The following NLRP2 variants were observed in gnomAD, a reference collection of about 807,000 sequenced individuals.
NLRP2 encodes NLR family pyrin domain containing 2.
In NLRP2, 107 loss-of-function variants were observed where a neutral mutation model predicts 97.2. The ratio of observed to expected loss-of-function variants is 1.10; its 90% CI spans 0.94 to 1.29. The LOEUF (loss-of-function observed/expected upper bound fraction) is 1.29. NLRP2 is among the 50% of genes most tolerant of loss of function. The pLI, the probability that NLRP2 is intolerant of heterozygous loss-of-function variation, is 0.00. For missense variants in NLRP2, 1,495 were observed against 1,330.3 expected (o/e 1.12, Z -1.93); for synonymous variants, 663 against 551.5 (o/e 1.20, Z -2.83).
intron 4 of NLRP2, among the ~76,000 whole-genome samples, chr19:54,978,161 C>CGATTCTCCT (rs1224332703): frequency 5.9e-5 from 9 of 151,936 alleles, no homozygotes; most frequent in Admixed American, 2.6e-4. Flanking sequence ...CAGGTTCAAG[C>CGATTCTCCT]GATTCTCCTG....
chr19:54,968,701 C>CTTTTTTTT lies in NLRP2; in HGVS notation c.-17-1293_-17-1286dup, dbSNP rs61212213. ...CTCCACCACTAAGTTATCTTTAAGC[C>CTTTTTTTT]TTTTTTTTTTTTGAGACAGTTTCAC... On this transcript the variant is annotated intron_variant, in intron 1 of 12. Transcript: ENST00000448584. Among the ~76,000 whole-genome samples the CTTTTTTTT allele has an allele frequency of 3.1e-4, 35 of 114,344 alleles. 2 individuals carry two copies. In the South Asian group the frequency reaches 5.3e-3, roughly 17 times the overall value. 75.0% of individuals were successfully genotyped at this position (114,344 alleles called of 152,430 possible). A position where few individuals can be genotyped will look rare whatever the true frequency, so the allele number is the denominator to read the frequency against.
intron 3 of NLRP2, among the ~76,000 whole-genome samples, chr19:54,974,977 T>C (rs1333490353): frequency 6.6e-6 from 1 of 151,656 alleles, no homozygotes; most frequent in East Asian, 1.9e-4. Flanking sequence ...TTTTTTGTGG[T>C]GTTTGTAGAG....
At chr19:54,975,125 T>G (rs1164485211) in intron 3 of NLRP2, among the ~76,000 whole-genome samples, 1,762 of 106,506 alleles carry the variant, frequency 0.017, 129 homozygotes, top group South Asian at 0.042. Context: ...TTTTTTTTTT[T>G]TTTTTTTTTT....
At chr19:54,970,770 C>CTTTTTTTTTTTTTTTTTTTTTCTTTT (rs34406686) in intron 2 of NLRP2, among the ~76,000 whole-genome samples, 1 of 108,472 alleles carries the variant, frequency 9.2e-6, no homozygotes, top group Non-Finnish European at 1.9e-5. Context: ...CTACCTACTT[C>CTTTTTTTTTTTTTTTTTTTTTCTTTT]TTTTTTTTTT....
At chr19:54,970,820 T>G (rs922173333) in intron 2 of NLRP2, among the ~76,000 whole-genome samples, 36 of 148,176 alleles carry the variant, frequency 2.4e-4, no homozygotes, top group African/African-American at 8.3e-4. Flanking sequence ...TATTTTATTA[T>G]TATTATTTTT....
chr19:54,998,990 T>G (rs910899614), intron 12 of NLRP2, among the ~76,000 whole-genome samples: 2 of 145,656 alleles, frequency 1.4e-5, no homozygotes, highest in Non-Finnish European at 1.5e-5. Flanking sequence ...AGAAGAATTT[T>G]TCTTAGTACA....
Position 54,975,496 on chromosome 19 carries a change from G to A in NLRP2, c.325+952G>A, listed in dbSNP as rs191410816. On this transcript the variant is annotated intron_variant, in intron 3 of 12. Coordinates refer to ENST00000448584, the MANE Select transcript of NLRP2 (RefSeq NM_017852.5). ...AGATAGAGTCTCTCTCTGTTGCCCA[G>A]GCTGGAGTGCAGTGGCGTGATCTCG... Among the ~76,000 whole-genome samples the A allele has an allele frequency of 4.9e-5, 7 of 143,100 alleles. 2 individuals are homozygous for A. In the East Asian group the frequency reaches 1.6e-3, roughly 33 times the overall value. The allele number at this position is 143,100 out of a possible 152,430, so 93.9% of individuals were successfully genotyped here.
intron 1 of NLRP2, among the ~76,000 whole-genome samples, chr19:54,967,564 G>T (rs2070540031): frequency 6.6e-6 from 1 of 152,042 alleles, no homozygotes. Context: ...TCTAGTTAAG[G>T]TTGGCTCATA....
intron 1 of NLRP2, among the ~76,000 whole-genome samples, chr19:54,968,534 C>T (rs2070626972): frequency 6.7e-6 from 1 of 149,380 alleles, no homozygotes; most frequent in South Asian, 2.1e-4. Flanking sequence ...CAGGGTTTTG[C>T]CATGTTGCCC....
In NLRP2 at chr19:54,985,126, C is replaced by A. The variant is rs61733928; in HGVS notation, c.2110C>A (p.Leu704Ile). 1 of 1,614,002 alleles carries A rather than the reference C, an allele frequency of 6.2e-7. No individual in the cohort carries two copies. The highest frequency in any genetic ancestry group is 2.2e-5 in the East Asian group (1 of 44,872). Reference protein sequence around the residue: ...IFGSNKDLMGLAINDSFLSAS... With the variant: ...IFGSNKDLMGIAINDSFLSAS... ...TGGATCAAATAAGGATCTGATGGGTCTAGCAATCAATGATAGCTTTCTCAG... is the reference window on the plus strand; with the variant it reads ...TGGATCAAATAAGGATCTGATGGGTATAGCAATCAATGATAGCTTTCTCAG... The change falls in exon 7 of 13, where the codon CTA (leucine) becomes ATA (isoleucine). Residue 704 changes from leucine (L) to isoleucine (I), a missense_variant. Coordinates refer to ENST00000448584, the MANE Select transcript of NLRP2 (RefSeq NM_017852.5).
At chr19:54,969,717 T>C (rs574190604) in intron 1 of NLRP2, among the ~76,000 whole-genome samples, 4 of 152,234 alleles carry the variant, frequency 2.6e-5, no homozygotes, top group Non-Finnish European at 4.4e-5. Flanking sequence ...GGGAGTGCAG[T>C]GGCACAATCA....
chr19:54,976,625 G>C (rs566870574), intron 3 of NLRP2, among the ~76,000 whole-genome samples: 1 of 151,948 alleles, frequency 6.6e-6, no homozygotes, highest in Non-Finnish European at 1.5e-5. Flanking sequence ...GGGATTACAG[G>C]CATGAGCCAC....
Position 55,000,908 on chromosome 19 carries a change from A to C in NLRP2, c.*10A>C. 6.2e-7 allele frequency: 1 copy of C among 1,613,428 alleles called. No individual in the cohort carries two copies. Among genetic ancestry groups the C allele is most frequent in the Non-Finnish European group, 8.5e-7 (1 of 1,179,568 alleles). ...TGACTTCATGATCTGAATCCCCCCGAGTCATTCATTCTCCATGAAGTCATC... is the reference window on the plus strand; with the variant it reads ...TGACTTCATGATCTGAATCCCCCCGCGTCATTCATTCTCCATGAAGTCATC... On this transcript the variant is annotated 3_prime_UTR_variant, in exon 13 of 13. Transcript: ENST00000448584.
At chr19:54,970,405 CT>C (rs767481841) in intron 2 of NLRP2, 110 bp downstream of exon 2, 159 of 1,320,588 alleles carry the variant, frequency 1.2e-4, no homozygotes, top group Non-Finnish European at 1.6e-4. Context: ...CGTCCCAGCC[CT>C]TTGGGAGGCT....
intron 8 of NLRP2, among the ~76,000 whole-genome samples, chr19:54,988,368 C>G (rs995057029): frequency 3.9e-5 from 6 of 152,130 alleles, no homozygotes; most frequent in African/African-American, 1.4e-4. Flanking sequence ...TCTTGGTTCA[C>G]TGCAACCTCT....
Position 54,983,174 on chromosome 19 carries a change from C to G in NLRP2, c.1476C>G (p.Asp492Glu). The stretch of plus-strand genomic sequence containing the variant: ...TGGACGGAGACATCCTCCGCCAGGA[C>G]AGAGTCTCCAAAGGCTGCTACTCCT... Reference protein sequence around the residue: ...LFLDGDILRQDRVSKGCYSFI... With the variant: ...LFLDGDILRQERVSKGCYSFI... Residue 492 changes from aspartate to glutamate, a missense_variant, in exon 6 of 13, where the codon GAC becomes GAG. Physicochemically the swap from Asp to Glu is conservative, Grantham distance 45. Transcript: ENST00000448584. The G allele has an allele frequency of 6.2e-7, 1 of 1,614,034 alleles. No individual in the cohort carries two copies. The highest frequency in any genetic ancestry group is 1.1e-5 in the South Asian group (1 of 91,080).
intron 12 of NLRP2, among the ~76,000 whole-genome samples, chr19:54,998,958 C>CA: frequency 6.6e-6 from 1 of 150,934 alleles, no homozygotes; most frequent in Non-Finnish European, 1.5e-5. Flanking sequence ...GGTAAGGTCA[C>CA]AGATCAACAG....
chr19:54,974,667 C>T (rs2071083703), intron 3 of NLRP2, 123 bp downstream of exon 3: 3 of 775,166 alleles, frequency 3.9e-6, no homozygotes, highest in East Asian at 2.5e-5. Flanking sequence ...CATCCCTGCT[C>T]CCAGGGCGGA....
chr19:54,982,646 C>A lies in NLRP2; in HGVS notation c.948C>A (p.Val316=). The A allele has an allele frequency of 1.2e-6, 2 of 1,614,152 alleles. No individual in the cohort carries two copies. The highest frequency in any genetic ancestry group is 1.7e-6 in the Non-Finnish European group (2 of 1,180,032). Residue 316 remains valine, a synonymous_variant, in exon 6 of 13, where the codon GTC becomes GTA. Coordinates refer to ENST00000448584, the MANE Select transcript of NLRP2 (RefSeq NM_017852.5). The part of the protein sequence containing the change: ...GDWEKKKPVP[V]LLGSLLNRVM... ...GGGAGAAGAAGAAGCCGGTGCCCGT[C>A]CTCCTGGGGAGTTTGCTGAACAGGG...
Sources: allele counts gnomAD v4.1 joint callset (sites outside exome capture counted in the v4.1 genomes callset), GRCh38; gene constraint gnomAD v4.1.1; transcripts MANE v1.5; gene names NCBI Gene and HGNC (gene_info 2026-07-23, HGNC 2026-07-21).